The following MBOAT1 variants were observed in gnomAD, a reference collection of about 807,000 sequenced individuals.
MBOAT1 encodes membrane bound glycerophospholipid O-acyltransferase 1, also known as membrane-bound glycerophospholipid O-acyltransferase 1.
Under a neutral mutation model 64.4 loss-of-function variants are expected in MBOAT1, and 67 were observed. That is an observed-to-expected ratio of 1.04 (90% CI 0.85 to 1.27). The LOEUF is 1.27. Ranked by LOEUF, MBOAT1 falls within the 50% of genes most tolerant of loss-of-function variation. The probability of loss-of-function intolerance (pLI) is 0.00; values close to 1 mark genes in which losing one functional copy is unlikely to be tolerated. For synonymous variants in MBOAT1, 229 were observed against 218.9 expected (o/e 1.05, Z -0.41); for missense variants, 563 against 604.6 (o/e 0.93, Z 0.72).
Position 20,109,727 on chromosome 6 carries a change from T to C in MBOAT1, c.1232A>G (p.Tyr411Cys), listed in dbSNP as rs1581394090. Residue 411 changes from tyrosine to cysteine, a missense_variant, in exon 12 of 13, where the codon TAC becomes TGC. Transcript: ENST00000324607. ...ARAVRNNYRH[Y>C]FLSSRALKAV... Reference sequence around the variant, plus strand: ...CTTGAGAGCTCTTGAAGAAAGGAAGTAATGTCTGTAGTTGTTCCTGACCTG... The same window carrying C: ...CTTGAGAGCTCTTGAAGAAAGGAAGCAATGTCTGTAGTTGTTCCTGACCTG... 6.2e-7 allele frequency: 1 copy of C among 1,613,824 alleles called. No homozygotes were observed. The highest frequency in any genetic ancestry group is 1.3e-5 in the African/African-American group (1 of 74,874).
intron 1 of MBOAT1, among the ~76,000 whole-genome samples, chr6:20,170,740 G>A (rs112184013): frequency 0.037 from 5,559 of 152,228 alleles, 108 homozygotes; most frequent in African/African-American, 0.046. Flanking sequence ...AGTGCTGTGG[G>A]AACACGCTCA....
chr6:20,123,254 A>C (rs1266187287), intron 8 of MBOAT1, among the ~76,000 whole-genome samples: 1 of 152,230 alleles, frequency 6.6e-6, no homozygotes, highest in Non-Finnish European at 1.5e-5. Flanking sequence ...CTATTCCCTC[A>C]TTCGTGAGAT....
chr6:20,115,460 G>A (rs1317338370), intron 9 of MBOAT1, 108 bp from the exon 10 acceptor site: 4 of 834,218 alleles, frequency 4.8e-6, no homozygotes, highest in Non-Finnish European at 8.0e-6. Flanking sequence ...TTTCAATAGT[G>A]ACTGCTCACA....
intron 4 of MBOAT1, among the ~76,000 whole-genome samples, chr6:20,131,825 T>C (rs776911021): frequency 2.6e-4 from 40 of 152,314 alleles, no homozygotes; most frequent in Middle Eastern, 3.4e-3. Flanking sequence ...GTGTAGCTCC[T>C]GGACCAGCAC....
chr6:20,204,162 C>G (rs1243708063), intron 1 of MBOAT1, among the ~76,000 whole-genome samples: 3 of 152,232 alleles, frequency 2.0e-5, no homozygotes, highest in Admixed American at 2.0e-4. Context: ...TGGCCCCTCT[C>G]CCCTCTAATT....
At chr6:20,132,066 A>G (rs935918313) in intron 4 of MBOAT1, among the ~76,000 whole-genome samples, 9 of 151,502 alleles carry the variant, frequency 5.9e-5, no homozygotes, top group South Asian at 2.1e-4. Flanking sequence ...TATTTTTTGT[A>G]GAGACTGGGT....
chr6:20,161,288 G>A (rs1353859823), intron 1 of MBOAT1, among the ~76,000 whole-genome samples: 2 of 151,936 alleles, frequency 1.3e-5, no homozygotes, highest in East Asian at 3.9e-4. Context: ...CCATCTAGTT[G>A]CAGGAAAACA....
chr6:20,126,675 AGTATTCC>A lies in MBOAT1; in HGVS notation c.549_555del (p.Leu183PhefsTer2). ...CTCATGAAATTGAGAAGGTAACTTA[AGTATTCC>A]AAAAAAGAGGGTTTCACTCTGTGAA... is the stretch of plus-strand genomic sequence containing the variant. On this transcript the variant is annotated frameshift_variant, in exon 7 of 13. Coordinates refer to ENST00000324607, the MANE Select transcript of MBOAT1 (RefSeq NM_001080480.3). LOFTEE classifies it high-confidence loss of function. 1 of 1,612,144 alleles carries A rather than the reference AGTATTCC, an allele frequency of 6.2e-7. No homozygotes were observed. The highest frequency in any genetic ancestry group is 8.5e-7 in the Non-Finnish European group (1 of 1,179,408).
intron 1 of MBOAT1, among the ~76,000 whole-genome samples, chr6:20,159,684 G>T (rs552814902): frequency 5.9e-5 from 9 of 152,110 alleles, no homozygotes; most frequent in Non-Finnish European, 1.2e-4. Context: ...ACTGTTTGAG[G>T]TGATAGGTTA....
chr6:20,139,756 T>C (rs190205365), intron 4 of MBOAT1, among the ~76,000 whole-genome samples: 2 of 151,964 alleles, frequency 1.3e-5, no homozygotes, highest in African/African-American at 4.8e-5. Context: ...GGTCTCACTA[T>C]GTTGCCCAGG....
chr6:20,201,582 G>A (rs139327939), intron 1 of MBOAT1, among the ~76,000 whole-genome samples: 1 of 142,776 alleles, frequency 7.0e-6, no homozygotes, highest in Non-Finnish European at 1.5e-5. Context: ...TCAGATAAGT[G>A]ATTTTTTTTT....
At chr6:20,156,580 G>A (rs1171994932) in intron 1 of MBOAT1, among the ~76,000 whole-genome samples, 2 of 152,192 alleles carry the variant, frequency 1.3e-5, no homozygotes, top group African/African-American at 4.8e-5. Context: ...ATCTTATAAG[G>A]TACAGGCTGA....
intron 12 of MBOAT1, among the ~76,000 whole-genome samples, chr6:20,103,485 G>A (rs1759861530): frequency 6.6e-6 from 1 of 152,162 alleles, no homozygotes; most frequent in Admixed American, 6.5e-5. Context: ...AGGTTGGAGT[G>A]CAATGGTGTG....
At chr6:20,191,820 T>C (rs1561783261) in intron 1 of MBOAT1, among the ~76,000 whole-genome samples, 2 of 152,190 alleles carry the variant, frequency 1.3e-5, no homozygotes, top group Non-Finnish European at 2.9e-5. Context: ...TAAAGCTATA[T>C]TATTATAGTA....
chr6:20,154,258 G>A lies in MBOAT1; in HGVS notation c.100-1489C>T, dbSNP rs560217940. 3.8e-4 allele frequency among the ~76,000 whole-genome samples: 58 copies of A among 152,292 alleles called. No homozygotes were observed. The South Asian group carries it at 9.5e-3, about 25-fold the overall frequency. ...TTTTAAAGTTGACCGTTGGCCAGGC[G>A]CGGTGGCTCACGCCTGTAATCCCAG... On this transcript the variant is annotated intron_variant, in intron 1 of 12. Coordinates refer to ENST00000324607, the MANE Select transcript of MBOAT1 (RefSeq NM_001080480.3).
chr6:20,208,601 C>A (rs2113780260), intron 1 of MBOAT1, among the ~76,000 whole-genome samples: 1 of 152,172 alleles, frequency 6.6e-6, no homozygotes, highest in South Asian at 2.1e-4. Flanking sequence ...TAATCCTAAA[C>A]CTTCGCTGTT....
intron 1 of MBOAT1, among the ~76,000 whole-genome samples, chr6:20,183,119 C>G (rs527995923): frequency 3.3e-5 from 5 of 152,192 alleles, no homozygotes; most frequent in African/African-American, 1.2e-4. Flanking sequence ...TCTGCGTCAC[C>G]TCCCCTTTAT....
intron 1 of MBOAT1, among the ~76,000 whole-genome samples, chr6:20,204,245 GC>G (rs949468654): frequency 2.6e-5 from 4 of 151,912 alleles, no homozygotes; most frequent in Admixed American, 2.6e-4. Context: ...GCCCAGAGAT[GC>G]CGAGGCCCCG....
At chr6:20,109,808 T>C in intron 11 of MBOAT1, 59 bp from the exon 12 acceptor site, 1 of 1,564,564 alleles carries the variant, frequency 6.4e-7, no homozygotes, top group Non-Finnish European at 8.7e-7. Context: ...TAACAACTTT[T>C]ACTCTGTGCA....
Sources: allele counts gnomAD v4.1 joint callset (sites outside exome capture counted in the v4.1 genomes callset), GRCh38; gene constraint gnomAD v4.1.1; transcripts MANE v1.5; gene names NCBI Gene and HGNC (gene_info 2026-07-23, HGNC 2026-07-21).